The following MTMR12 variants were observed in gnomAD, a reference collection of about 807,000 sequenced individuals.
MTMR12 encodes myotubularin related protein 12.
MTMR12 carries 33 observed loss-of-function variants against 96.7 expected under a neutral mutation model. The ratio of observed to expected loss-of-function variants is 0.34; its 90% CI spans 0.26 to 0.46. MTMR12 has a LOEUF of 0.46. MTMR12 is among the 20% of genes least tolerant of loss of function. The probability of loss-of-function intolerance (pLI) is 1.00; values close to 1 mark genes in which losing one functional copy is unlikely to be tolerated. For missense variants in MTMR12, 721 were observed against 896.1 expected, an observed-to-expected ratio of 0.80 and a Z score of 2.49; for synonymous variants, 298 against 327.2, an observed-to-expected ratio of 0.91 and a Z score of 0.96.
At chr5:32,267,017 T>C (rs978846903) in intron 6 of MTMR12, among the ~76,000 whole-genome samples, 7 of 152,008 alleles carry the variant, frequency 4.6e-5, no homozygotes, top group African/African-American at 1.7e-4. Context: ...GAGGCAGAAG[T>C]TGCAGTGAGC....
intron 15 of MTMR12, among the ~76,000 whole-genome samples, chr5:32,230,906 A>G (rs1273007966): frequency 6.6e-6 from 1 of 152,238 alleles, no homozygotes; most frequent in Non-Finnish European, 1.5e-5. Flanking sequence ...GAAGTCATAA[A>G]GATTCTTTTA....
chr5:32,245,359 AG>A (rs1748639400), intron 10 of MTMR12, among the ~76,000 whole-genome samples: 2 of 152,182 alleles, frequency 1.3e-5, no homozygotes, highest in African/African-American at 4.8e-5. Flanking sequence ...TTTTAAGATT[AG>A]AAAATGAAGT....
intron 4 of MTMR12, 76 bp downstream of exon 4, chr5:32,271,757 G>T: frequency 1.2e-6 from 1 of 845,940 alleles, no homozygotes; most frequent in Non-Finnish European, 1.7e-6. Context: ...ATTATAAATG[G>T]TCATAAAAAT....
chr5:32,307,535 C>T (rs1390104596), intron 1 of MTMR12, among the ~76,000 whole-genome samples: 1 of 152,166 alleles, frequency 6.6e-6, no homozygotes, highest in Admixed American at 6.5e-5. Flanking sequence ...AACATGTAAT[C>T]CCCTGAGCAG....
chr5:32,311,158 A>G (rs1751578092), intron 1 of MTMR12, among the ~76,000 whole-genome samples: 2 of 152,200 alleles, frequency 1.3e-5, no homozygotes, highest in African/African-American at 4.8e-5. Flanking sequence ...TGCCCAGCCC[A>G]AATATTTCAT....
At chr5:32,255,550 T>C (rs1749102568) in intron 8 of MTMR12, 143 bp downstream of exon 8, 1 of 739,810 alleles carries the variant, frequency 1.4e-6, no homozygotes, top group Non-Finnish European at 2.2e-6. Context: ...CAGACTCTTC[T>C]AGGGAGTCCC....
chr5:32,268,099 G>T (rs1170812700), intron 6 of MTMR12, among the ~76,000 whole-genome samples: 2 of 152,208 alleles, frequency 1.3e-5, no homozygotes, highest in East Asian at 3.9e-4. Context: ...CTGAAGTGCT[G>T]GGATCACAGG....
At position 32,239,006 on chromosome 5, in the gene MTMR12, CTT is replaced by C. The variant is rs1341617312; in HGVS notation, c.1337_1338del (p.Lys446ArgfsTer25). On this transcript the variant is annotated frameshift_variant, in exon 13 of 16. Coordinates refer to ENST00000382142, the MANE Select transcript of MTMR12 (RefSeq NM_001040446.3). LOFTEE classifies it high-confidence loss of function. ...DRCNHLRQND[K>X]EEVPVFLLFL... ...TCTGCAGTGAGGGAACTCACCTCCTCTTTGTCGTTCTGGCGGAGATGGTTGCA... is the reference window on the plus strand; with the variant it reads ...TCTGCAGTGAGGGAACTCACCTCCTCTGTCGTTCTGGCGGAGATGGTTGCA... The C allele has an allele frequency of 3.8e-6, 6 of 1,592,074 alleles. No individual in the cohort carries two copies. The highest frequency in any genetic ancestry group is 5.1e-6 in the Non-Finnish European group (6 of 1,166,772).
Position 32,230,220 on chromosome 5 carries a change from G to C in MTMR12, c.1802C>G (p.Ser601Cys). Residue 601 changes from serine to cysteine, a missense_variant, in exon 16 of 16, where the codon TCT becomes TGT. Coordinates refer to ENST00000382142, the MANE Select transcript of MTMR12 (RefSeq NM_001040446.3). ...LGKRISKLINSSDELQDNFRE... is the reference protein window; with the variant it reads ...LGKRISKLINCSDELQDNFRE... ...AAAGTTGTCTTGGAGCTCATCAGAA[G>C]AATTAATAAGTTTGCTAATTCTCTT... 5 of 1,614,236 alleles carry C rather than the reference G, an allele frequency of 3.1e-6. No homozygotes were observed. The highest frequency in any genetic ancestry group is 4.2e-6 in the Non-Finnish European group (5 of 1,180,050).
intron 8 of MTMR12, among the ~76,000 whole-genome samples, chr5:32,251,734 A>G (rs1296364780): frequency 6.6e-6 from 1 of 152,184 alleles, no homozygotes; most frequent in East Asian, 1.9e-4. Flanking sequence ...AAAGGCAACC[A>G]TAGAAGAGGG....
At chr5:32,303,866 A>C (rs2112161605) in intron 1 of MTMR12, among the ~76,000 whole-genome samples, 1 of 151,664 alleles carries the variant, frequency 6.6e-6, no homozygotes, top group South Asian at 2.1e-4. Context: ...AAAAAAAAAA[A>C]AAAAACCACA....
intron 15 of MTMR12, among the ~76,000 whole-genome samples, chr5:32,231,056 T>C (rs1378582405): frequency 6.6e-6 from 1 of 152,180 alleles, no homozygotes; most frequent in African/African-American, 2.4e-5. Flanking sequence ...TCATTCTCTC[T>C]GTGGCCAGAG....
chr5:32,275,390 T>C (rs1750010487), intron 2 of MTMR12, among the ~76,000 whole-genome samples: 1 of 152,186 alleles, frequency 6.6e-6, no homozygotes, highest in African/African-American at 2.4e-5. Context: ...TTCCTGTGCT[T>C]TCACCTCCCA....
chr5:32,305,262 T>C (rs551312444), intron 1 of MTMR12, among the ~76,000 whole-genome samples: 28 of 152,220 alleles, frequency 1.8e-4, no homozygotes, highest in African/African-American at 6.5e-4. Flanking sequence ...CTAATTTTTG[T>C]ATTTTTAGTA....
At position 32,229,894 on chromosome 5, in the gene MTMR12, G is replaced by C. The variant is rs1052227008; in HGVS notation, c.2128C>G (p.Leu710Val). 8.7e-6 allele frequency: 14 copies of C among 1,613,304 alleles called. No homozygotes were observed. The highest frequency in any genetic ancestry group is 1.2e-5 in the Non-Finnish European group (14 of 1,179,500). Residue 710 changes from leucine to valine, a missense_variant, in exon 16 of 16, where the codon CTG becomes GTG. By Grantham distance (32) the Leu-to-Val change is conservative. Transcript: ENST00000382142. The part of the protein sequence containing the change: ...ARLSSLFPFA[L>V]LQRHSSKPVL... Reference sequence around the variant, plus strand: ...GGCTTAGAGGAATGTCGCTGGAGCAGAGCGAAAGGAAACAAAGACGAGAGG... The same window carrying C: ...GGCTTAGAGGAATGTCGCTGGAGCACAGCGAAAGGAAACAAAGACGAGAGG...
intron 1 of MTMR12, among the ~76,000 whole-genome samples, chr5:32,293,959 T>A (rs1298695562): frequency 6.6e-6 from 1 of 152,230 alleles, no homozygotes; most frequent in Non-Finnish European, 1.5e-5. Flanking sequence ...AGAGTCACTC[T>A]TACCTACTCC....
At chr5:32,288,202 T>C (rs561352814) in intron 1 of MTMR12, among the ~76,000 whole-genome samples, 5 of 152,164 alleles carry the variant, frequency 3.3e-5, no homozygotes, top group African/African-American at 1.2e-4. Flanking sequence ...AATGGGAACG[T>C]GTGGGAGGAC....
chr5:32,229,601 A>T lies in MTMR12; in HGVS notation c.*177T>A. ...ACTACAGATGCGGTTTTAATTGCAT[A>T]GTCTTTTAGAATCATGAAAAATAAT... On this transcript the variant is annotated 3_prime_UTR_variant, in exon 16 of 16. Transcript: ENST00000382142. The T allele has an allele frequency of 2.0e-6, 1 of 492,756 alleles. No individual in the cohort carries two copies. Among genetic ancestry groups the T allele is most frequent in the Non-Finnish European group, 3.4e-6 (1 of 297,238 alleles). 30.5% of individuals were successfully genotyped at this position (492,756 alleles called of 1,614,324 possible). A position where few individuals can be genotyped will look rare whatever the true frequency, so the allele number is the denominator to read the frequency against.
chr5:32,312,839 A>C lies in MTMR12; in HGVS notation c.-1T>G. 1 of 1,524,184 alleles carries C rather than the reference A, an allele frequency of 6.6e-7. No homozygotes were observed. The allele number at this position is 1,524,184 out of a possible 1,614,324, so 94.4% of individuals were successfully genotyped here. On this transcript the variant is annotated 5_prime_UTR_variant, in exon 1 of 16. Transcript: ENST00000382142. This position sits in a 1 kb window ranked among gnomAD's most constrained non-coding sequence, Gnocchi z 5.0. ...CGCCGACTACTCCTTTCCCCAGCAT[A>C]CCGCCGCCCTGGGAAGCAGCGACGC...
Sources: gnomAD v4.1 joint callset for allele counts (sites outside exome capture counted in the v4.1 genomes callset) on GRCh38, gnomAD v4.1.1 for gene constraint, Gnocchi (gnomAD v3.1) non-coding constraint, MANE v1.5 for transcripts, NCBI Gene and HGNC (gene_info 2026-07-23, HGNC 2026-07-21) for gene names.